CLSTN2: variants seen among roughly 807,000 people sequenced by gnomAD.
The protein encoded by CLSTN2 is calsyntenin 2, also known as calsyntenin-2.
Under a neutral mutation model 101.2 loss-of-function variants are expected in CLSTN2, and 48 were observed. The ratio of observed to expected loss-of-function variants is 0.47; its 90% CI spans 0.38 to 0.60. CLSTN2 has a LOEUF of 0.60. CLSTN2 is among the 20% of genes least tolerant of loss of function. The probability of loss-of-function intolerance (pLI) is 0.00; values close to 1 mark genes in which losing one functional copy is unlikely to be tolerated. For missense variants in CLSTN2, 1,160 were observed against 1,238.2 expected (o/e 0.94, Z 0.95); for synonymous variants, 481 against 463.6 (o/e 1.04, Z -0.48).
At chr3:140,026,455 G>A in intron 1 of CLSTN2, among the ~76,000 whole-genome samples, 1 of 152,142 alleles carries the variant, frequency 6.6e-6, no homozygotes, top group East Asian at 1.9e-4. Context: ...AAAACTAAAT[G>A]GACAAAAAAG....
intron 2 of CLSTN2, among the ~76,000 whole-genome samples, chr3:140,292,636 A>G (rs2086966166): frequency 2.6e-5 from 4 of 152,190 alleles, no homozygotes; most frequent in Admixed American, 2.6e-4. Flanking sequence ...CAGTCAGAAA[A>G]CTTGGATGTA....
rs148937528 is a variant in CLSTN2 at position 140,293,860 on chromosome 3, C to T, written c.233-109769C>T. ...CCAAATTCACCCTTTCCTTTGTCTACACTATATTCTTTCTATTCCATCCTC... is the reference window on the plus strand; with the variant it reads ...CCAAATTCACCCTTTCCTTTGTCTATACTATATTCTTTCTATTCCATCCTC... On this transcript the variant is annotated intron_variant, in intron 2 of 16. Coordinates refer to ENST00000458420, the MANE Select transcript of CLSTN2 (RefSeq NM_022131.3). Among the ~76,000 whole-genome samples, 477 of 152,282 alleles carry T rather than the reference C, an allele frequency of 3.1e-3. 2 individuals are homozygous for T. The highest frequency in any genetic ancestry group is 0.011 in the African/African-American group (448 of 41,554).
intron 2 of CLSTN2, among the ~76,000 whole-genome samples, chr3:140,294,642 G>T (rs956686865): frequency 6.6e-6 from 1 of 151,546 alleles, no homozygotes; most frequent in African/African-American, 2.4e-5. Context: ...CCCACAATGT[G>T]TGAGTGTATC....
Position 140,569,908 on chromosome 3 carries a change from A to C in CLSTN2, c.*3655A>C, listed in dbSNP as rs1179843319. 1.3e-5 allele frequency: 2 copies of C among 152,140 alleles called. No homozygotes were observed. Among genetic ancestry groups the C allele is most frequent in the African/African-American group, 4.8e-5 (2 of 41,424 alleles). 9.4% of individuals were successfully genotyped at this position (152,140 alleles called of 1,614,324 possible). A position where few individuals can be genotyped will look rare whatever the true frequency, so the allele number is the denominator to read the frequency against. On this transcript the variant is annotated 3_prime_UTR_variant, in exon 17 of 17. Coordinates refer to ENST00000458420, the MANE Select transcript of CLSTN2 (RefSeq NM_022131.3). ...TGGCCAGGCTGGTCTCAAACTCCTG[A>C]TCTCAGGTGATCTGCCCACCTTGGC...
At chr3:140,360,905 T>C (rs1291178658) in intron 2 of CLSTN2, among the ~76,000 whole-genome samples, 1 of 152,176 alleles carries the variant, frequency 6.6e-6, no homozygotes, top group Non-Finnish European at 1.5e-5. Flanking sequence ...CCCAGATGAC[T>C]TCACTGGTGA....
intron 1 of CLSTN2, among the ~76,000 whole-genome samples, chr3:140,108,370 G>C (rs1288636734): frequency 1.3e-5 from 2 of 152,134 alleles, no homozygotes; most frequent in African/African-American, 4.8e-5. Flanking sequence ...CAAGTCATAA[G>C]AAGAAAGCTC....
At chr3:140,150,387 G>C (rs1295231031) in intron 1 of CLSTN2, among the ~76,000 whole-genome samples, 2 of 152,182 alleles carry the variant, frequency 1.3e-5, no homozygotes, top group Non-Finnish European at 1.5e-5. Context: ...TACATCATTG[G>C]ATTGTTGTGA....
intron 1 of CLSTN2, among the ~76,000 whole-genome samples, chr3:140,091,302 C>T (rs1471238258): frequency 6.6e-6 from 1 of 152,138 alleles, no homozygotes; most frequent in African/African-American, 2.4e-5. Context: ...GTAATATGTC[C>T]TGAACAGACT....
intron 1 of CLSTN2, among the ~76,000 whole-genome samples, chr3:140,160,854 C>T (rs567028500): frequency 6.6e-6 from 1 of 152,244 alleles, no homozygotes; most frequent in Admixed American, 6.5e-5. Flanking sequence ...CCCTGAGTCC[C>T]TTTCAAGGGT....
intron 7 of CLSTN2, among the ~76,000 whole-genome samples, chr3:140,466,035 G>T (rs1167446997): frequency 1.3e-5 from 2 of 152,200 alleles, no homozygotes; most frequent in African/African-American, 4.8e-5. Flanking sequence ...GGGAGGGGAT[G>T]TTGGAGTCAC....
rs1173005368 is a variant in CLSTN2, at chr3:140,575,061, T to C, written c.*8808T>C. ...CCCACCCACCTCCAGCTCCTCTACA[T>C]GGCTGCAAGAGCATGGCTGATGTGT... On this transcript the variant is annotated 3_prime_UTR_variant, in exon 17 of 17. Transcript: ENST00000458420. 2 of 152,242 alleles carry C rather than the reference T, an allele frequency of 1.3e-5. No homozygotes were observed. The highest frequency in any genetic ancestry group is 2.9e-5 in the Non-Finnish European group (2 of 68,058). The allele number at this position is 152,242 out of a possible 1,614,324, so 9.4% of individuals were successfully genotyped here.
intron 2 of CLSTN2, among the ~76,000 whole-genome samples, chr3:140,238,419 GAAA>G (rs10553314): frequency 0.032 from 4,884 of 152,090 alleles, 251 homozygotes; most frequent in African/African-American, 0.11. Flanking sequence ...GCACAGAACA[GAAA>G]AAAAAAATCT....
chr3:140,384,059 A>T (rs979476992), intron 2 of CLSTN2, among the ~76,000 whole-genome samples: 1 of 152,196 alleles, frequency 6.6e-6, no homozygotes, highest in Non-Finnish European at 1.5e-5. Context: ...TTTACTGTAA[A>T]CTTGGAAGCA....
intron 2 of CLSTN2, among the ~76,000 whole-genome samples, chr3:140,254,425 G>A (rs900841792): frequency 6.6e-6 from 1 of 152,080 alleles, no homozygotes; most frequent in Non-Finnish European, 1.5e-5. Flanking sequence ...CATTTTTATG[G>A]GAAGCAGAAC....
chr3:140,237,500 C>T (rs761010430), intron 2 of CLSTN2, among the ~76,000 whole-genome samples: 1 of 152,094 alleles, frequency 6.6e-6, no homozygotes, highest in Non-Finnish European at 1.5e-5. Flanking sequence ...GCGTCTCCTT[C>T]CTCTCTTACA....
At chr3:140,401,960 T>A (rs1470780188) in intron 2 of CLSTN2, among the ~76,000 whole-genome samples, 1 of 152,134 alleles carries the variant, frequency 6.6e-6, no homozygotes, top group Non-Finnish European at 1.5e-5. Flanking sequence ...TTACTGGAAC[T>A]GGGTCCATAA....
chr3:140,161,848 AG>A (rs778904506), intron 1 of CLSTN2, among the ~76,000 whole-genome samples: 15 of 152,338 alleles, frequency 9.8e-5, no homozygotes, highest in Non-Finnish European at 1.3e-4. Flanking sequence ...ACAAACCCAA[AG>A]AGCTTTCGTT....
intron 2 of CLSTN2, among the ~76,000 whole-genome samples, chr3:140,299,196 G>C (rs2087030673): frequency 6.6e-6 from 1 of 152,166 alleles, no homozygotes; most frequent in South Asian, 2.1e-4. Flanking sequence ...CAAATGAATG[G>C]GAACAGCCCT....
chr3:140,043,883 T>A (rs2007813284), intron 1 of CLSTN2, among the ~76,000 whole-genome samples: 2 of 152,232 alleles, frequency 1.3e-5, no homozygotes, highest in Admixed American at 1.3e-4. Flanking sequence ...CATTGGTCTA[T>A]ATCTCTGTTT....
Sources: gnomAD v4.1 joint callset for allele counts (sites outside exome capture counted in the v4.1 genomes callset) on GRCh38, gnomAD v4.1.1 for gene constraint, MANE v1.5 for transcripts, NCBI Gene and HGNC (gene_info 2026-07-23, HGNC 2026-07-21) for gene names.